The following HMGCLL1 variants were observed in gnomAD, a reference collection of about 807,000 sequenced individuals.
HMGCLL1 encodes 3-hydroxymethyl-3-methylglutaryl-CoA lyase, cytoplasmic.
Under a neutral mutation model 39.1 loss-of-function variants are expected in HMGCLL1, and 36 were observed. The observed-to-expected ratio is 0.92, with a 90% CI of 0.71 to 1.22. The LOEUF (loss-of-function observed/expected upper bound fraction) is 1.22, where lower values mean the gene tolerates loss of function less well. Among genes scored for constraint, HMGCLL1 ranks in the 50% most tolerant of loss-of-function variants. The probability of loss-of-function intolerance (pLI) is 0.00; values close to 1 mark genes in which losing one functional copy is unlikely to be tolerated. For synonymous variants in HMGCLL1, 149 were observed against 144.0 expected (o/e 1.03, Z -0.25); for missense variants, 451 against 416.5 (o/e 1.08, Z -0.72).
chr6:55,595,209 A>T, the HMGCLL1 span, among the ~76,000 whole-genome samples: 1 of 152,216 alleles, frequency 6.6e-6, no homozygotes, highest in African/African-American at 2.4e-5. Flanking sequence ...TCATTTTATG[A>T]AGACTATGTA....
intron 7 of HMGCLL1, among the ~76,000 whole-genome samples, chr6:55,446,423 T>A (rs992311434): frequency 3.3e-5 from 5 of 151,722 alleles, no homozygotes; most frequent in African/African-American, 1.2e-4. Flanking sequence ...AGCTATTAAC[T>A]CAATGGCCCA....
chr6:55,435,813 A>T (rs758156741), intron 8 of HMGCLL1, 50 bp from the exon 9 acceptor site: 4 of 944,706 alleles, frequency 4.2e-6, no homozygotes, highest in Admixed American at 5.0e-5. Flanking sequence ...TTAGAGAGAA[A>T]AAAGATAAAA....
intron 3 of HMGCLL1, among the ~76,000 whole-genome samples, chr6:55,530,497 G>A (rs1218872757): frequency 6.6e-6 from 1 of 151,852 alleles, no homozygotes; most frequent in Non-Finnish European, 1.5e-5. Context: ...AAATGTTCAA[G>A]ATAAATAAGC....
intron 7 of HMGCLL1, among the ~76,000 whole-genome samples, chr6:55,465,415 G>A (rs1200290862): frequency 6.6e-6 from 1 of 151,896 alleles, no homozygotes; most frequent in Non-Finnish European, 1.5e-5. Flanking sequence ...TAAGTCATTT[G>A]CAGATATAGA....
chr6:55,457,915 C>T (rs534099820), intron 7 of HMGCLL1, among the ~76,000 whole-genome samples: 1 of 152,196 alleles, frequency 6.6e-6, no homozygotes, highest in African/African-American at 2.4e-5. Flanking sequence ...CATGAGTGCA[C>T]TTTGTAAGCT....
the HMGCLL1 span, among the ~76,000 whole-genome samples, chr6:55,658,767 T>C: frequency 6.6e-6 from 1 of 151,982 alleles, no homozygotes; most frequent in Non-Finnish European, 1.5e-5. Flanking sequence ...TTCTGTATTT[T>C]CGTAGAGTTG....
intron 7 of HMGCLL1, among the ~76,000 whole-genome samples, chr6:55,476,678 T>G (rs1354287594): frequency 6.6e-6 from 1 of 151,720 alleles, no homozygotes. Flanking sequence ...TATGATTGGT[T>G]TTATATGTTA....
intron 7 of HMGCLL1, among the ~76,000 whole-genome samples, chr6:55,440,786 A>C (rs1763561789): frequency 6.6e-6 from 1 of 152,036 alleles, no homozygotes; most frequent in Non-Finnish European, 1.5e-5. Flanking sequence ...GCGACTTGAG[A>C]ATTTTAAATT....
intron 7 of HMGCLL1, among the ~76,000 whole-genome samples, chr6:55,454,213 T>G (rs1764228860): frequency 6.6e-6 from 1 of 152,196 alleles, no homozygotes. Flanking sequence ...GACACAGTGA[T>G]TCCTAGGTCT....
the HMGCLL1 span, among the ~76,000 whole-genome samples, chr6:55,675,156 G>C: frequency 6.6e-6 from 1 of 152,066 alleles, no homozygotes; most frequent in Non-Finnish European, 1.5e-5. Flanking sequence ...TGGGCATAAG[G>C]TAGAATGCAA....
intron 7 of HMGCLL1, among the ~76,000 whole-genome samples, chr6:55,494,879 T>G (rs560202192): frequency 6.6e-6 from 1 of 152,214 alleles, no homozygotes; most frequent in East Asian, 1.9e-4. Flanking sequence ...ACTTTCTAGA[T>G]CTCTTCACTT....
chr6:55,603,238 A>G, the HMGCLL1 span, among the ~76,000 whole-genome samples: 1 of 152,120 alleles, frequency 6.6e-6, no homozygotes, highest in Non-Finnish European at 1.5e-5. Flanking sequence ...TACATAACCT[A>G]AGAGAATATT....
chr6:55,628,494 G>A, the HMGCLL1 span, among the ~76,000 whole-genome samples: 41 of 151,430 alleles, frequency 2.7e-4, no homozygotes, highest in South Asian at 8.2e-3. Context: ...AGTAGAGATG[G>A]GGTTTTGCCA....
At chr6:55,663,277 G>A in the HMGCLL1 span, among the ~76,000 whole-genome samples, 1 of 149,886 alleles carries the variant, frequency 6.7e-6, no homozygotes, top group Non-Finnish European at 1.5e-5. Flanking sequence ...TGCAATGTTA[G>A]GTTGTTGATT....
intron 5 of HMGCLL1, among the ~76,000 whole-genome samples, chr6:55,511,391 T>C (rs1005309276): frequency 1.3e-5 from 2 of 152,062 alleles, no homozygotes; most frequent in Non-Finnish European, 1.5e-5. Flanking sequence ...TACACATGCA[T>C]GTGTTGTGTG....
intron 7 of HMGCLL1, among the ~76,000 whole-genome samples, chr6:55,491,315 G>A (rs752264466): frequency 4.6e-5 from 7 of 152,070 alleles, no homozygotes; most frequent in African/African-American, 7.2e-5. Context: ...TAACCTGCAC[G>A]TTGTGCACAT....
intron 5 of HMGCLL1, among the ~76,000 whole-genome samples, chr6:55,506,767 C>T (rs1445200166): frequency 6.6e-6 from 1 of 151,416 alleles, no homozygotes; most frequent in Non-Finnish European, 1.5e-5. Context: ...GTGAGGTTGG[C>T]AACTTGGATA....
chr6:55,604,197 T>C, the HMGCLL1 span, among the ~76,000 whole-genome samples: 1 of 152,150 alleles, frequency 6.6e-6, no homozygotes, highest in Non-Finnish European at 1.5e-5. Flanking sequence ...TACAGAGCTC[T>C]TGCCAAGTTT....
chr6:55,547,607 A>G (rs1211043332), intron 1 of HMGCLL1, among the ~76,000 whole-genome samples: 1 of 151,960 alleles, frequency 6.6e-6, no homozygotes, highest in Non-Finnish European at 1.5e-5. Context: ...TATTCCCAAG[A>G]ACTGCTATGA....
Sources: gnomAD v4.1 joint callset for allele counts (sites outside exome capture counted in the v4.1 genomes callset) on GRCh38, gnomAD v4.1.1 for gene constraint, MANE v1.5 for transcripts, NCBI Gene and HGNC (gene_info 2026-07-23, HGNC 2026-07-21) for gene names.